Variants in MAML2 observed in about 807,000 individuals in gnomAD.
MAML2 encodes mastermind-like protein 2.
MAML2 carries 22 observed loss-of-function variants against 96.1 expected under a neutral mutation model. The ratio of observed to expected loss-of-function variants is 0.23; its 90% CI spans 0.16 to 0.33. MAML2 has a LOEUF of 0.33. Ranked by LOEUF, MAML2 falls within the 10% of genes least tolerant of loss-of-function variation. MAML2 has a pLI of 1.00. For missense variants in MAML2, 1,367 were observed against 1,392.4 expected (o/e 0.98, Z 0.29); for synonymous variants, 561 against 521.3 (o/e 1.08, Z -1.04).
intron 1 of MAML2, among the ~76,000 whole-genome samples, chr11:96,273,936 T>C (rs1474172028): frequency 6.6e-6 from 1 of 152,154 alleles, no homozygotes; most frequent in Non-Finnish European, 1.5e-5. Context: ...TCCTTATTTT[T>C]ACATTTTTAC....
Position 96,326,387 on chromosome 11 carries a change from G to GTT in MAML2, c.513+14995_513+14996insAA, listed in dbSNP as rs1565284925. On this transcript the variant is annotated intron_variant, in intron 1 of 4. Transcript: ENST00000524717. The stretch of plus-strand genomic sequence containing the variant: ...TGTGTGTGTGTGTGTGTGTGTGTGT[G>GTT]CATGTATGTGTGTGTGTGTGTTTTA... 8.8e-4 allele frequency among the ~76,000 whole-genome samples: 124 copies of GTT among 140,514 alleles called. No individual in the cohort carries two copies. The Middle Eastern group carries it at 0.011, about 12-fold the overall frequency. The allele number at this position is 140,514 out of a possible 152,430, so 92.2% of individuals were successfully genotyped here. A position where few individuals can be genotyped will look rare whatever the true frequency, so the allele number is the denominator to read the frequency against.
chr11:96,113,438 G>A (rs751882321), intron 1 of MAML2, among the ~76,000 whole-genome samples: 7 of 151,874 alleles, frequency 4.6e-5, no homozygotes, highest in Non-Finnish European at 8.8e-5. Flanking sequence ...AAAATCCTAA[G>A]CCTGATAAAA....
intron 1 of MAML2, among the ~76,000 whole-genome samples, chr11:96,165,408 A>C (rs948341340): frequency 6.6e-6 from 1 of 152,194 alleles, no homozygotes; most frequent in African/African-American, 2.4e-5. Flanking sequence ...TAAGAACCAA[A>C]GTTGTACCTT....
chr11:96,141,009 T>A (rs1391783934), intron 1 of MAML2, among the ~76,000 whole-genome samples: 7 of 152,172 alleles, frequency 4.6e-5, no homozygotes, highest in African/African-American at 1.7e-4. Context: ...GACAAACAAG[T>A]CATTTCTTAG....
At position 96,010,954 on chromosome 11, in the gene MAML2, G is replaced by GT. The variant is rs574199825; in HGVS notation, c.2140-19232dup. Among the ~76,000 whole-genome samples the GT allele has an allele frequency of 2.7e-3, 413 of 152,148 alleles. 2 individuals are homozygous for GT. The highest frequency in any genetic ancestry group is 9.3e-3 in the African/African-American group (387 of 41,516). ...ATATTCTTTAAAGTTTAAAAATACT[G>GT]TTTTTTTCCTCCTTTAAAATGTTCC... is the stretch of plus-strand genomic sequence containing the variant. On this transcript the variant is annotated intron_variant, in intron 2 of 4. Coordinates refer to ENST00000524717, the MANE Select transcript of MAML2 (RefSeq NM_032427.4).
At chr11:96,294,100 A>G (rs1268977041) in intron 1 of MAML2, among the ~76,000 whole-genome samples, 1 of 152,194 alleles carries the variant, frequency 6.6e-6, no homozygotes, top group Non-Finnish European at 1.5e-5. Flanking sequence ...CCGTTCTTCA[A>G]AAGACTGATA....
At chr11:96,282,479 C>T (rs544674855) in intron 1 of MAML2, among the ~76,000 whole-genome samples, 2 of 152,220 alleles carry the variant, frequency 1.3e-5, no homozygotes, top group East Asian at 3.9e-4. Context: ...CTCTCCAGGT[C>T]TTCAAAATCA....
intron 1 of MAML2, among the ~76,000 whole-genome samples, chr11:96,309,227 T>C (rs1271492982): frequency 1.3e-5 from 2 of 152,172 alleles, no homozygotes; most frequent in African/African-American, 4.8e-5. Context: ...TGCCATTGTG[T>C]TTTAGTATGA....
intron 1 of MAML2, among the ~76,000 whole-genome samples, chr11:96,300,304 G>A (rs1318589262): frequency 6.6e-6 from 1 of 152,194 alleles, no homozygotes; most frequent in Non-Finnish European, 1.5e-5. Context: ...GATGGCAGGA[G>A]TTGGGAAGAT....
chr11:95,979,867 G>A lies in MAML2; in HGVS notation c.2552C>T (p.Thr851Ile), dbSNP rs1423031240. The A allele has an allele frequency of 2.5e-6, 4 of 1,613,808 alleles. No individual in the cohort carries two copies. The highest frequency in any genetic ancestry group is 3.4e-6 in the Non-Finnish European group (4 of 1,179,844). Residue 851 changes from threonine to isoleucine, a missense_variant, in exon 5 of 5, where the codon ACT becomes ATT. By Grantham distance (89) the Thr-to-Ile change is moderately conservative. Coordinates refer to ENST00000524717, the MANE Select transcript of MAML2 (RefSeq NM_032427.4). ...TGATGGCATTCTTGTCCCGTGAGAA[G>A]TAGACAGGAGGCTGGAATTGGGAGT... ...ILTPNSSLLS[T>I]SHGTRMPSLS... is the part of the protein sequence containing the mutation.
intron 1 of MAML2, among the ~76,000 whole-genome samples, chr11:96,118,571 A>G (rs1031857078): frequency 3.3e-5 from 5 of 152,158 alleles, no homozygotes; most frequent in African/African-American, 1.2e-4. Context: ...CAGTGTGAAA[A>G]TGGACTAACA....
chr11:96,112,924 C>A (rs1591020540), intron 1 of MAML2, among the ~76,000 whole-genome samples: 2 of 152,140 alleles, frequency 1.3e-5, no homozygotes, highest in Non-Finnish European at 2.9e-5. Flanking sequence ...CTGGGGTTTC[C>A]CTTTCTGGTT....
intron 1 of MAML2, among the ~76,000 whole-genome samples, chr11:96,320,829 GGAAGTATGGCAATAA>G (rs1363301765): frequency 6.6e-6 from 1 of 152,136 alleles, no homozygotes; most frequent in African/African-American, 2.4e-5. Flanking sequence ...AACCAGAGCA[GGAAGTATGGCAATAA>G]GAAAACATAT....
At chr11:95,983,927 G>T (rs1438894318) in intron 4 of MAML2, among the ~76,000 whole-genome samples, 1 of 152,108 alleles carries the variant, frequency 6.6e-6, no homozygotes, top group Non-Finnish European at 1.5e-5. Flanking sequence ...TGCAGCCTAA[G>T]TGTACAGTGT....
rs577210297 is a variant in MAML2 at position 96,062,876 on chromosome 11, G to A, written c.2139+29016C>T. The stretch of plus-strand genomic sequence containing the variant: ...TGCCGCCATGAGATTATATTGTTTC[G>A]ATGACAAGGGACTGTGTCTTACTCA... On this transcript the variant is annotated intron_variant, in intron 2 of 4. Coordinates refer to ENST00000524717, the MANE Select transcript of MAML2 (RefSeq NM_032427.4). Among the ~76,000 whole-genome samples the A allele has an allele frequency of 1.2e-4, 18 of 152,126 alleles. No individual in the cohort carries two copies. In the South Asian group the frequency reaches 3.1e-3, roughly 26 times the overall value.
chr11:96,182,125 G>A (rs747442624), intron 1 of MAML2, among the ~76,000 whole-genome samples: 95 of 152,238 alleles, frequency 6.2e-4, no homozygotes, highest in South Asian at 1.5e-3. Flanking sequence ...GATTCTCTGC[G>A]TGCCTCCGTT....
At chr11:96,302,227 T>C (rs932323965) in intron 1 of MAML2, among the ~76,000 whole-genome samples, 1 of 150,670 alleles carries the variant, frequency 6.6e-6, no homozygotes, top group Non-Finnish European at 1.5e-5. Context: ...GAAGAATGTT[T>C]CTATCTCTAT....
chr11:96,016,922 T>C (rs1235516416), intron 2 of MAML2, among the ~76,000 whole-genome samples: 1 of 152,194 alleles, frequency 6.6e-6, no homozygotes, highest in Non-Finnish European at 1.5e-5. Context: ...ATCAGCCAAA[T>C]GTTGCTAGTA....
Position 96,142,531 on chromosome 11 carries a change from G to A in MAML2, c.514-49014C>T, listed in dbSNP as rs140537939. ...TCTCATAACCCTCAGGTTCCAGTAC[G>A]ATGTTATTGCAGATTCTCTGCAGCA... On this transcript the variant is annotated intron_variant, in intron 1 of 4. Coordinates refer to ENST00000524717, the MANE Select transcript of MAML2 (RefSeq NM_032427.4). Among the ~76,000 whole-genome samples, 1,404 of 152,302 alleles carry A rather than the reference G, an allele frequency of 9.2e-3. 31 individuals carry two copies. The highest frequency in any genetic ancestry group is 0.032 in the African/African-American group (1,342 of 41,540).
Sources: gnomAD v4.1 joint callset for allele counts (sites outside exome capture counted in the v4.1 genomes callset) on GRCh38, gnomAD v4.1.1 for gene constraint, MANE v1.5 for transcripts, NCBI Gene and HGNC (gene_info 2026-07-23, HGNC 2026-07-21) for gene names.